CRYBB2: variants seen among roughly 807,000 people sequenced by gnomAD.
CRYBB2 encodes beta-crystallin B2.
In CRYBB2, 12 loss-of-function variants were observed where a neutral mutation model predicts 24.3. The ratio of observed to expected loss-of-function variants is 0.49; its 90% CI spans 0.32 to 0.80. The LOEUF (loss-of-function observed/expected upper bound fraction) is 0.80. CRYBB2 is among the 30% of genes least tolerant of loss of function. CRYBB2 has a pLI of 0.04. For missense variants in CRYBB2, 198 were observed against 268.5 expected, an observed-to-expected ratio of 0.74 and a Z score of 1.83; for synonymous variants, 98 against 101.6, an observed-to-expected ratio of 0.96 and a Z score of 0.21.
intron 1 of CRYBB2, among the ~76,000 whole-genome samples, chr22:25,213,087 G>A (rs1396105618): frequency 6.6e-6 from 1 of 152,092 alleles, no homozygotes; most frequent in East Asian, 1.9e-4. Context: ...TACAGTTAGA[G>A]TTAGGACATT....
chr22:25,226,898 T>C (rs1935427416), intron 3 of CRYBB2, among the ~76,000 whole-genome samples: 1 of 152,176 alleles, frequency 6.6e-6, no homozygotes, highest in African/African-American at 2.4e-5. Context: ...GATCTCGAGC[T>C]ACTGACCTCA....
upstream of CRYBB2, among the ~76,000 whole-genome samples, chr22:25,218,505 A>G: frequency 6.6e-6 from 1 of 150,558 alleles, no homozygotes; most frequent in East Asian, 2.0e-4. Flanking sequence ...AAGATACAGC[A>G]AAAAAAAGAA....
chr22:25,218,124 T>C (rs1021227065), upstream of CRYBB2, among the ~76,000 whole-genome samples: 1 of 150,792 alleles, frequency 6.6e-6, no homozygotes, highest in South Asian at 2.2e-4. Context: ...CCGGGCGTGT[T>C]GGCGGGCGCC....
At chr22:25,217,569 G>A (rs1601414823), upstream of CRYBB2, among the ~76,000 whole-genome samples, 1 of 152,026 alleles carries the variant, frequency 6.6e-6, no homozygotes, top group African/African-American at 2.4e-5. Context: ...CGCCTGGCTT[G>A]GCTTCCCAAA....
chr22:25,220,438 T>C (rs1935299241), intron 1 of CRYBB2, among the ~76,000 whole-genome samples: 1 of 152,202 alleles, frequency 6.6e-6, no homozygotes, highest in East Asian at 1.9e-4. Context: ...TTCTTCAGTC[T>C]GTGAACACTC....
At chr22:25,218,815 A>AAAG (rs1450627807), upstream of CRYBB2, among the ~76,000 whole-genome samples, 1 of 137,562 alleles carries the variant, frequency 7.3e-6, no homozygotes, top group Non-Finnish European at 1.5e-5. Context: ...AGAAAGAAAG[A>AAAG]AAGAAAGAAA....
upstream of CRYBB2, among the ~76,000 whole-genome samples, chr22:25,212,267 T>G (rs1285254374): frequency 1.3e-5 from 2 of 152,208 alleles, no homozygotes; most frequent in African/African-American, 2.4e-5. Context: ...GGGGGTTTAT[T>G]CTAAAGACAT....
At chr22:25,225,641 C>G (rs1935399772) in intron 3 of CRYBB2, among the ~76,000 whole-genome samples, 1 of 152,188 alleles carries the variant, frequency 6.6e-6, no homozygotes, top group South Asian at 2.1e-4. Context: ...GTCTGGGACA[C>G]AAAACCACAG....
At chr22:25,216,339 T>G (rs111932371), upstream of CRYBB2, among the ~76,000 whole-genome samples, 60 of 152,348 alleles carry the variant, frequency 3.9e-4, no homozygotes, top group African/African-American at 1.4e-3. Flanking sequence ...TAAGCCAACA[T>G]GACTGGTATC....
chr22:25,224,945 C>T lies in CRYBB2; in HGVS notation c.82C>T (p.Gln28Ter). The T allele has an allele frequency of 6.2e-7, 1 of 1,609,580 alleles. No individual in the cohort carries two copies. ...KIIIFEQENF[Q>*]GHSHELNGPC... ...CATCATCTTTGAGCAGGAAAACTTTCAAGGCCACTCGCATGAGCTCAATGG... is the reference window on the plus strand; with the variant it reads ...CATCATCTTTGAGCAGGAAAACTTTTAAGGCCACTCGCATGAGCTCAATGG... Residue 28 changes from glutamine to a stop codon, truncating the protein, a stop_gained, in exon 3 of 6, where the codon CAA (glutamine) becomes TAA (stop). Transcript: ENST00000398215. LOFTEE classifies it high-confidence loss of function.
chr22:25,218,792 A>AAG (rs1491301387), upstream of CRYBB2, among the ~76,000 whole-genome samples: 5 of 107,482 alleles, frequency 4.7e-5, no homozygotes, highest in East Asian at 3.4e-4. Flanking sequence ...GAAAGAAAGA[A>AAG]AGAAAGAAAG....
At chr22:25,228,526 T>TCAA (rs1935463286) in intron 4 of CRYBB2, among the ~76,000 whole-genome samples, 1 of 151,836 alleles carries the variant, frequency 6.6e-6, no homozygotes, top group South Asian at 2.1e-4. Flanking sequence ...TGTGAGAGTG[T>TCAA]CAACTCTCAG....
intron 1 of CRYBB2, among the ~76,000 whole-genome samples, chr22:25,220,896 C>A (rs1343044201): frequency 3.9e-5 from 6 of 152,006 alleles, no homozygotes; most frequent in Non-Finnish European, 8.8e-5. Context: ...AATCTAGGTA[C>A]CAGGATGGGG....
chr22:25,213,744 T>G lies in CRYBB2; in HGVS notation c.-27+904T>G, dbSNP rs879516826. 6.6e-5 allele frequency: 10 copies of G among 152,336 alleles called. 2 individuals carry two copies. Among genetic ancestry groups the G allele is most frequent in the Admixed American group, 3.3e-4 (5 of 15,300 alleles). 9.4% of individuals were successfully genotyped at this position (152,336 alleles called of 1,614,324 possible). ...CTAATATACCCTGAATTGCCTGCCT[T>G]CCTTTCTCTGGCTCGCTTCCCCACT... On this transcript the variant is annotated intron_variant, in intron 1 of 5. Coordinates refer to the CRYBB2 transcript ENST00000651629.
chr22:25,229,371 G>A, intron 4 of CRYBB2, 65 bp from the exon 5 acceptor site: 1 of 1,529,330 alleles, frequency 6.5e-7, no homozygotes, highest in Non-Finnish European at 8.9e-7. Flanking sequence ...GCATGAGCAT[G>A]GGGTGGGAAG....
At chr22:25,225,607 C>T (rs1333543059) in intron 3 of CRYBB2, among the ~76,000 whole-genome samples, 1 of 152,194 alleles carries the variant, frequency 6.6e-6, no homozygotes, top group Non-Finnish European at 1.5e-5. Flanking sequence ...TGTAGCTGAG[C>T]ATAGTCCTAT....
At chr22:25,215,734 G>A (rs185907931), upstream of CRYBB2, among the ~76,000 whole-genome samples, 8 of 152,346 alleles carry the variant, frequency 5.3e-5, no homozygotes, top group East Asian at 1.5e-3. Context: ...ACTGATGTAA[G>A]TTCAAGCACT....
chr22:25,218,198 G>A (rs972081068), upstream of CRYBB2, among the ~76,000 whole-genome samples: 12 of 151,692 alleles, frequency 7.9e-5, no homozygotes, highest in East Asian at 1.9e-4. Flanking sequence ...GGCAGAGCTT[G>A]CAGTGAGCTG....
upstream of CRYBB2, among the ~76,000 whole-genome samples, chr22:25,217,178 ATTTT>A (rs71191033): frequency 8.3e-5 from 12 of 145,232 alleles, no homozygotes; most frequent in African/African-American, 2.5e-4. Flanking sequence ...TCTATGTTGG[ATTTT>A]TTTTTTTTTT....
Sources: allele counts gnomAD v4.1 joint callset (sites outside exome capture counted in the v4.1 genomes callset), GRCh38; gene constraint gnomAD v4.1.1; transcripts MANE v1.5; gene names NCBI Gene and HGNC (gene_info 2026-07-23, HGNC 2026-07-21).